IL2RA: variants seen among roughly 807,000 people sequenced by gnomAD.
IL2RA encodes interleukin-2 receptor subunit alpha.
In IL2RA, 24 loss-of-function variants were observed where a neutral mutation model predicts 37.8. The observed-to-expected ratio is 0.63, with a 90% CI of 0.46 to 0.89. The LOEUF (loss-of-function observed/expected upper bound fraction) is 0.89, where lower values mean the gene tolerates loss of function less well. Ranked by LOEUF, IL2RA falls within the 40% of genes least tolerant of loss-of-function variation. The pLI is 0.00. For missense variants in IL2RA, 319 were observed against 348.6 expected (o/e 0.92, Z 0.68); for synonymous variants, 125 against 114.6 (o/e 1.09, Z -0.58).
rs200342513 is a variant in IL2RA at position 6,020,953 on chromosome 10, G to GCA, written c.583+524_583+525insTG. On this transcript the variant is annotated intron_variant, in intron 4 of 7. Coordinates refer to ENST00000379959, the MANE Select transcript of IL2RA (RefSeq NM_000417.3). The surrounding 1 kb of genome is among the most constrained non-coding windows in gnomAD (Gnocchi z 5.6). ...AGTATGTGTGTGTGTGTGTGTGTGT[G>GCA]CGCGCATGTGCACTGAGTAAGTCCC... Among the ~76,000 whole-genome samples the GCA allele has an allele frequency of 1.7e-5, 2 of 119,544 alleles. No individual in the cohort carries two copies. The highest frequency in any genetic ancestry group is 7.8e-5 in the Admixed American group (1 of 12,896). 78.4% of individuals were successfully genotyped at this position (119,544 alleles called of 152,430 possible). A position where few individuals can be genotyped will look rare whatever the true frequency, so the allele number is the denominator to read the frequency against.
chr10:6,049,743 A>G (rs1354324119), intron 1 of IL2RA, among the ~76,000 whole-genome samples: 1 of 152,218 alleles, frequency 6.6e-6, no homozygotes, highest in Non-Finnish European at 1.5e-5. Flanking sequence ...ACAGAATGGC[A>G]TGCAAAGGTT....
rs931828997 is a variant in IL2RA, at chr10:6,020,857, C to T, written c.583+621G>A. On this transcript the variant is annotated intron_variant, in intron 4 of 7. Transcript: ENST00000379959. This position sits in a 1 kb window ranked among gnomAD's most constrained non-coding sequence, Gnocchi z 5.6. ...CTGCATGTAAGTCACTTTTGATTGT[C>T]GTGATACTAATAAGATTTCAGAAGG... Among the ~76,000 whole-genome samples the T allele has an allele frequency of 3.3e-5, 5 of 151,968 alleles. No individual in the cohort carries two copies. The highest frequency in any genetic ancestry group is 3.9e-4 in the East Asian group (2 of 5,174).
intron 1 of IL2RA, among the ~76,000 whole-genome samples, chr10:6,050,567 C>T (rs111237278): frequency 2.6e-5 from 4 of 152,286 alleles, no homozygotes; most frequent in African/African-American, 9.6e-5. Flanking sequence ...TCTCTTGAAC[C>T]CGGGAGGCAG....
intron 1 of IL2RA, among the ~76,000 whole-genome samples, chr10:6,031,747 T>C (rs1382920607): frequency 1.3e-5 from 2 of 151,954 alleles, no homozygotes; most frequent in African/African-American, 4.8e-5. Flanking sequence ...TTATAGATTG[T>C]AACATTCATT....
chr10:6,042,745 A>C (rs1839791563), intron 1 of IL2RA, among the ~76,000 whole-genome samples: 1 of 152,192 alleles, frequency 6.6e-6, no homozygotes, highest in Non-Finnish European at 1.5e-5. Context: ...AGAGATGACC[A>C]AAAAAACATG....
chr10:6,042,636 C>T (rs1273403711), intron 1 of IL2RA, among the ~76,000 whole-genome samples: 3 of 152,046 alleles, frequency 2.0e-5, no homozygotes, highest in African/African-American at 7.2e-5. Context: ...TATCCAAAGA[C>T]TCAGTATCCG....
chr10:6,019,166 G>C (rs1030687334), intron 6 of IL2RA, among the ~76,000 whole-genome samples: 2 of 149,796 alleles, frequency 1.3e-5, no homozygotes, highest in Admixed American at 6.7e-5. Context: ...CCACCAACCT[G>C]CCAATCTACC....
At chr10:6,016,044 T>C (rs938567536) in intron 7 of IL2RA, among the ~76,000 whole-genome samples, 1 of 152,210 alleles carries the variant, frequency 6.6e-6, no homozygotes, top group Non-Finnish European at 1.5e-5. Context: ...AAATACCACT[T>C]ACTGTGGTTT....
chr10:6,041,350 C>G lies in IL2RA; in HGVS notation c.65-15325G>C, dbSNP rs1373436710. Among the ~76,000 whole-genome samples, 4 of 152,098 alleles carry G rather than the reference C, an allele frequency of 2.6e-5. No individual in the cohort carries two copies. In the East Asian group the frequency reaches 7.7e-4, roughly 29 times the overall value. On this transcript the variant is annotated intron_variant, in intron 1 of 7. Transcript: ENST00000379959. Reference sequence around the variant, plus strand: ...CAGGATGGTCTCAATCTCCTGACCTCGTGATCCACCCGCCTCGGCCTCCCA... The same window carrying G: ...CAGGATGGTCTCAATCTCCTGACCTGGTGATCCACCCGCCTCGGCCTCCCA...
rs1671148136 is a variant in IL2RA at position 6,044,995 on chromosome 10, T to C, written c.64+17093A>G. Among the ~76,000 whole-genome samples the C allele has an allele frequency of 2.0e-5, 3 of 152,210 alleles. No individual in the cohort carries two copies. Among genetic ancestry groups the C allele is most frequent in the Admixed American group, 2.0e-4 (3 of 15,276 alleles). On this transcript the variant is annotated intron_variant, in intron 1 of 7. Coordinates refer to ENST00000379959, the MANE Select transcript of IL2RA (RefSeq NM_000417.3). The surrounding 1 kb of genome is among the most constrained non-coding windows in gnomAD (Gnocchi z 4.5). The stretch of plus-strand genomic sequence containing the variant: ...GGAAATGTGGGAGAAGTAAAGTGCC[T>C]GTCTCAGGGCTTGGGGGATTTAAGG...
At chr10:6,031,565 C>A (rs1839594740) in intron 1 of IL2RA, among the ~76,000 whole-genome samples, 2 of 135,548 alleles carry the variant, frequency 1.5e-5, no homozygotes, top group African/African-American at 2.7e-5. Flanking sequence ...ACTGACACAA[C>A]CAATTAGAAA....
rs545002614 is a variant in IL2RA at position 6,035,358 on chromosome 10, C to A, written c.65-9333G>T. ...CAGTAGGCTCTGAGTGGGTGACTGG[C>A]GCCAGGCCAAGTTCTAGGTGGGCTT... is the stretch of plus-strand genomic sequence containing the variant. On this transcript the variant is annotated intron_variant, in intron 1 of 7. Coordinates refer to ENST00000379959, the MANE Select transcript of IL2RA (RefSeq NM_000417.3). The surrounding 1 kb of genome is among the most constrained non-coding windows in gnomAD (Gnocchi z 5.4). Among the ~76,000 whole-genome samples, 1 of 152,166 alleles carries A rather than the reference C, an allele frequency of 6.6e-6. No homozygotes were observed. The highest frequency in any genetic ancestry group is 1.5e-5 in the Non-Finnish European group (1 of 68,018).
In IL2RA at chr10:6,062,159, A is replaced by T; in HGVS notation, c.-8T>A. ...CAGCAGGTATGAATCCATCTTCCTG[A>T]CCCTTGGGACCAGCCGGGGCAGTGA... On this transcript the variant is annotated 5_prime_UTR_variant, in exon 1 of 8. Coordinates refer to ENST00000379959, the MANE Select transcript of IL2RA (RefSeq NM_000417.3). 1 of 1,612,984 alleles carries T rather than the reference A, an allele frequency of 6.2e-7. No homozygotes were observed. The highest frequency in any genetic ancestry group is 1.1e-5 in the South Asian group (1 of 91,040).
rs1460607020 is a variant in IL2RA, at chr10:6,056,364, GAAATTTA to G, written c.64+5717_64+5723del. Among the ~76,000 whole-genome samples, 1 of 152,228 alleles carries G rather than the reference GAAATTTA, an allele frequency of 6.6e-6. No homozygotes were observed. ...GCAGATGTGCAGGGAATATTGAACTGAAATTTAAGAGGGCTGGATTCAAGTTCAGCTT... is the reference window on the plus strand; with the variant it reads ...GCAGATGTGCAGGGAATATTGAACTGAGAGGGCTGGATTCAAGTTCAGCTT... On this transcript the variant is annotated intron_variant, in intron 1 of 7. Coordinates refer to ENST00000379959, the MANE Select transcript of IL2RA (RefSeq NM_000417.3). This position sits in a 1 kb window ranked among gnomAD's most constrained non-coding sequence, Gnocchi z 5.0.
chr10:6,019,646 C>G, intron 5 of IL2RA, 147 bp from the exon 6 acceptor site: 1 of 780,962 alleles, frequency 1.3e-6, no homozygotes, highest in South Asian at 1.4e-5. Context: ...TGTTCCATCT[C>G]TGCCTGGGGA....
At position 6,021,421 on chromosome 10, in the gene IL2RA, C is replaced by T. The variant is rs1212698260; in HGVS notation, c.583+57G>A. 3 of 1,439,556 alleles carry T rather than the reference C, an allele frequency of 2.1e-6. No homozygotes were observed. The highest frequency in any genetic ancestry group is 2.9e-6 in the Non-Finnish European group (3 of 1,022,800). The allele number at this position is 1,439,556 out of a possible 1,614,324, so 89.2% of individuals were successfully genotyped here. On this transcript the variant is annotated intron_variant, in intron 4 of 7. Coordinates refer to ENST00000379959, the MANE Select transcript of IL2RA (RefSeq NM_000417.3). This position sits in a 1 kb window ranked among gnomAD's most constrained non-coding sequence, Gnocchi z 4.9. ...AGCAGGAGTGGTCAGGGATTCCACTCTGGTCAGCCTGATGGAGCAAAGCAA... is the reference window on the plus strand; with the variant it reads ...AGCAGGAGTGGTCAGGGATTCCACTTTGGTCAGCCTGATGGAGCAAAGCAA...
chr10:6,018,143 AG>A lies in IL2RA; in HGVS notation c.728-25del, dbSNP rs1432855985. ...CACTGTCAATAGAGAGAGGGAGTTC[AG>A]CAAAGGGCCCTGGGCTTGGCATGGG... On this transcript the variant is annotated intron_variant, in intron 6 of 7. Transcript: ENST00000379959. This position sits in a 1 kb window ranked among gnomAD's most constrained non-coding sequence, Gnocchi z 5.1. 6.2e-7 allele frequency: 1 copy of A among 1,605,978 alleles called. No homozygotes were observed. The highest frequency in any genetic ancestry group is 8.5e-7 in the Non-Finnish European group (1 of 1,173,144).
chr10:6,023,437 G>A (rs1839421771), intron 3 of IL2RA, among the ~76,000 whole-genome samples: 1 of 152,154 alleles, frequency 6.6e-6, no homozygotes, highest in African/African-American at 2.4e-5. Context: ...CTGATTTCAA[G>A]CAATTCTCAT....
At position 6,033,963 on chromosome 10, in the gene IL2RA, T is replaced by C. The variant is rs1213417584; in HGVS notation, c.65-7938A>G. Among the ~76,000 whole-genome samples the C allele has an allele frequency of 6.6e-6, 1 of 152,214 alleles. No homozygotes were observed. The highest frequency in any genetic ancestry group is 1.9e-4 in the East Asian group (1 of 5,202). On this transcript the variant is annotated intron_variant, in intron 1 of 7. Transcript: ENST00000379959. This position sits in a 1 kb window ranked among gnomAD's most constrained non-coding sequence, Gnocchi z 4.3. ...TTTTGTAATTATTCATTAGCACAAA[T>C]AACCAGGATTGACCTCAGATGTTTT...
Sources: gnomAD v4.1 joint callset for allele counts (sites outside exome capture counted in the v4.1 genomes callset) on GRCh38, gnomAD v4.1.1 for gene constraint, Gnocchi (gnomAD v3.1) non-coding constraint, MANE v1.5 for transcripts, NCBI Gene and HGNC (gene_info 2026-07-23, HGNC 2026-07-21) for gene names.